Variants in CNTN4 observed in about 807,000 individuals in gnomAD.
CNTN4 encodes the protein contactin-4.
Under a neutral mutation model 122.5 loss-of-function variants are expected in CNTN4, and 77 were observed. The ratio of observed to expected loss-of-function variants is 0.63; its 90% CI spans 0.52 to 0.76. CNTN4 has a LOEUF of 0.76. Ranked by LOEUF, CNTN4 falls within the 30% of genes least tolerant of loss-of-function variation. The pLI, the probability that CNTN4 is intolerant of heterozygous loss-of-function variation, is 0.00. For missense variants in CNTN4, 1,256 were observed against 1,259.1 expected (o/e 1.00, Z 0.04); for synonymous variants, 512 against 447.0 (o/e 1.15, Z -1.83).
chr3:2,824,700 C>T (rs758797115), intron 7 of CNTN4, among the ~76,000 whole-genome samples: 4 of 152,238 alleles, frequency 2.6e-5, no homozygotes, highest in Middle Eastern at 6.8e-3. Flanking sequence ...CTCACTCTGT[C>T]AACCAGGCTG....
intron 3 of CNTN4, among the ~76,000 whole-genome samples, chr3:2,521,236 CA>C (rs1307736655): frequency 6.6e-6 from 1 of 151,982 alleles, no homozygotes; most frequent in Non-Finnish European, 1.5e-5. Context: ...GTAATTGAGG[CA>C]AACTCTTATT....
intron 2 of CNTN4, among the ~76,000 whole-genome samples, chr3:2,172,388 T>C (rs181853488): frequency 6.8e-4 from 104 of 152,140 alleles, no homozygotes; most frequent in African/African-American, 2.4e-3. Flanking sequence ...TAATGGACTT[T>C]GGGGACTTGA....
intron 6 of CNTN4, among the ~76,000 whole-genome samples, chr3:2,779,848 A>G (rs1178175260): frequency 6.6e-6 from 1 of 152,246 alleles, no homozygotes; most frequent in Admixed American, 6.5e-5. Context: ...AAAAGCCTTC[A>G]TAAAGATAAT....
intron 2 of CNTN4, among the ~76,000 whole-genome samples, chr3:2,121,146 C>T (rs888138058): frequency 6.6e-6 from 1 of 150,742 alleles, no homozygotes; most frequent in Non-Finnish European, 1.5e-5. Flanking sequence ...CTTTTTTCCC[C>T]TTCCTCTCTT....
intron 3 of CNTN4, among the ~76,000 whole-genome samples, chr3:2,400,422 T>TATACACAC (rs1051136179): frequency 6.7e-5 from 4 of 59,356 alleles, no homozygotes; most frequent in African/African-American, 2.1e-4. Flanking sequence ...TATATATATA[T>TATACACAC]ATATACATAT....
chr3:2,536,647 C>T (rs866453735), intron 3 of CNTN4, among the ~76,000 whole-genome samples: 2 of 149,106 alleles, frequency 1.3e-5, no homozygotes, highest in African/African-American at 5.0e-5. Flanking sequence ...TGGTCTTGAA[C>T]TCCTGGCTTC....
intron 3 of CNTN4, among the ~76,000 whole-genome samples, chr3:2,469,703 A>C (rs2075619306): frequency 6.6e-6 from 1 of 152,212 alleles, no homozygotes; most frequent in East Asian, 1.9e-4. Context: ...ACATTGTGTC[A>C]GTACAAAAAC....
rs576877140 is a variant in CNTN4, at chr3:2,951,766, T to C, written c.1358+25987T>C. ...GTGATATTTTCATTGCAAATTCCTT[T>C]TTACAGGTGTCAAAAATCATAGTAT... On this transcript the variant is annotated intron_variant, in intron 13 of 24. Coordinates refer to ENST00000418658, the MANE Select transcript of CNTN4 (RefSeq NM_175607.3). Among the ~76,000 whole-genome samples, 193 of 152,310 alleles carry C rather than the reference T, an allele frequency of 1.3e-3. 2 individuals carry two copies. The Middle Eastern group carries it at 0.02, about 16-fold the overall frequency.
At chr3:2,962,573 G>A (rs2094872528) in intron 13 of CNTN4, among the ~76,000 whole-genome samples, 1 of 152,206 alleles carries the variant, frequency 6.6e-6, no homozygotes, top group Admixed American at 6.5e-5. Flanking sequence ...GGCAGAAGCT[G>A]TATATTTACA....
chr3:2,172,106 A>G (rs1221026850), intron 2 of CNTN4, among the ~76,000 whole-genome samples: 3 of 152,184 alleles, frequency 2.0e-5, no homozygotes, highest in African/African-American at 7.2e-5. Flanking sequence ...TTGTAAGTTG[A>G]TCTTTCTCTT....
intron 18 of CNTN4, chr3:3,037,561 C>A: frequency 1.8e-6 from 1 of 552,412 alleles, no homozygotes; most frequent in Non-Finnish European, 3.3e-6. Flanking sequence ...AAGAGACACA[C>A]GGTGCTTAGT....
At chr3:2,916,346 G>A (rs1192592029) in intron 12 of CNTN4, among the ~76,000 whole-genome samples, 5 of 150,192 alleles carry the variant, frequency 3.3e-5, no homozygotes, top group Admixed American at 2.0e-4. Flanking sequence ...AGAGGGCCCT[G>A]CGGCCTTCCG....
At chr3:2,330,081 G>A (rs1335502014) in intron 2 of CNTN4, among the ~76,000 whole-genome samples, 1 of 152,142 alleles carries the variant, frequency 6.6e-6, no homozygotes, top group Non-Finnish European at 1.5e-5. Context: ...CTGGCCAATT[G>A]ATATAAATTA....
At chr3:2,794,734 G>C (rs4493418) in intron 6 of CNTN4, among the ~76,000 whole-genome samples, 60,006 of 152,066 alleles carry the variant, frequency 0.39, 12,014 homozygotes, top group African/African-American at 0.46. Flanking sequence ...GGCTTACAAA[G>C]AAAGGAAATA....
intron 3 of CNTN4, among the ~76,000 whole-genome samples, chr3:2,353,835 C>T (rs2044749947): frequency 6.6e-6 from 1 of 151,742 alleles, no homozygotes; most frequent in Non-Finnish European, 1.5e-5. Flanking sequence ...GGAGGCGGAG[C>T]TTGCAGTGAG....
At chr3:2,648,772 A>T (rs746273823) in intron 4 of CNTN4, among the ~76,000 whole-genome samples, 2 of 152,236 alleles carry the variant, frequency 1.3e-5, no homozygotes, top group Non-Finnish European at 2.9e-5. Context: ...CTTAATGAGG[A>T]AGGCATGGTG....
At chr3:2,761,437 C>CGTGTGT (rs2090584834) in intron 6 of CNTN4, among the ~76,000 whole-genome samples, 1 of 130,462 alleles carries the variant, frequency 7.7e-6, no homozygotes, top group East Asian at 3.0e-4. Context: ...GTAAGTGTAA[C>CGTGTGT]CTGTGTGTGT....
chr3:2,939,172 A>T (rs775871409), intron 13 of CNTN4, among the ~76,000 whole-genome samples: 3 of 152,224 alleles, frequency 2.0e-5, no homozygotes, highest in Non-Finnish European at 2.9e-5. Flanking sequence ...AGAGTTAATT[A>T]GATCTCTACT....
At chr3:2,120,446 G>A (rs1233387424) in intron 2 of CNTN4, among the ~76,000 whole-genome samples, 1 of 122,048 alleles carries the variant, frequency 8.2e-6, no homozygotes, top group African/African-American at 3.1e-5. Flanking sequence ...CTCTGTCGCC[G>A]AGGCTGGAAT....
Sources: gnomAD v4.1 joint callset for allele counts (sites outside exome capture counted in the v4.1 genomes callset) on GRCh38, gnomAD v4.1.1 for gene constraint, MANE v1.5 for transcripts, NCBI Gene and HGNC (gene_info 2026-07-23, HGNC 2026-07-21) for gene names.